The following VSIR variants were observed in gnomAD, a reference collection of about 807,000 sequenced individuals.
The protein encoded by VSIR is V-set immunoregulatory receptor.
Under a neutral mutation model 31.0 loss-of-function variants are expected in VSIR, and 10 were observed. The observed-to-expected ratio is 0.32, with a 90% CI of 0.20 to 0.55. The LOEUF (loss-of-function observed/expected upper bound fraction) is 0.55, where lower values mean the gene tolerates loss of function less well. Ranked by LOEUF, VSIR falls within the 20% of genes least tolerant of loss-of-function variation. The pLI, the probability that VSIR is intolerant of heterozygous loss-of-function variation, is 0.93. For missense variants in VSIR, 356 were observed against 416.2 expected, an observed-to-expected ratio of 0.86 and a Z score of 1.26; for synonymous variants, 179 against 180.1, an observed-to-expected ratio of 0.99 and a Z score of 0.05.
At chr10:71,753,556 G>A (rs567748966) in intron 4 of VSIR, among the ~76,000 whole-genome samples, 23 of 152,280 alleles carry the variant, frequency 1.5e-4, no homozygotes, top group Admixed American at 1.0e-3. Flanking sequence ...ACCTTACAAG[G>A]TGCAAGTCCC....
intron 1 of VSIR, among the ~76,000 whole-genome samples, chr10:71,768,243 T>C (rs1160808695): frequency 3.9e-5 from 6 of 152,158 alleles, no homozygotes; most frequent in Non-Finnish European, 5.9e-5. Context: ...CAATCTCAGC[T>C]CACTGCAACC....
intron 1 of VSIR, among the ~76,000 whole-genome samples, chr10:71,768,124 G>A (rs895470066): frequency 7.2e-5 from 11 of 152,204 alleles, no homozygotes; most frequent in African/African-American, 2.7e-4. Flanking sequence ...CTCTGTGCCA[G>A]GCATCATTCT....
At position 71,751,125 on chromosome 10, in the gene VSIR, G is replaced by T. The variant is rs1182393969; in HGVS notation, c.*128C>A. 1.8e-6 allele frequency: 2 copies of T among 1,121,700 alleles called. No homozygotes were observed. The highest frequency in any genetic ancestry group is 1.6e-5 in the African/African-American group (1 of 63,154). The allele number at this position is 1,121,700 out of a possible 1,614,324, so 69.5% of individuals were successfully genotyped here. On this transcript the variant is annotated 3_prime_UTR_variant, in exon 7 of 7. Coordinates refer to ENST00000394957, the MANE Select transcript of VSIR (RefSeq NM_022153.2). The surrounding 1 kb of genome is among the most constrained non-coding windows in gnomAD (Gnocchi z 4.9). ...GGGGCTGGGCTTCTGGGATGTCACA[G>T]TATCTGAGCCCAGAGCAGGAGGGAG...
At chr10:71,772,396 GC>G (rs1840706547) in intron 1 of VSIR, among the ~76,000 whole-genome samples, 1 of 152,102 alleles carries the variant, frequency 6.6e-6, no homozygotes, top group Non-Finnish European at 1.5e-5. Flanking sequence ...CTTTCCCTGG[GC>G]CCTCCCTATA....
Position 71,747,661 on chromosome 10 carries a change from C to T in VSIR, c.*3592G>A. ...CAGCAATAAAACCTCCCAGGATTTTCAGGGAAGGGGGTGGATCAAACAAGT... is the reference window on the plus strand; with the variant it reads ...CAGCAATAAAACCTCCCAGGATTTTTAGGGAAGGGGGTGGATCAAACAAGT... On this transcript the variant is annotated 3_prime_UTR_variant, in exon 7 of 7. Transcript: ENST00000394957. The T allele has an allele frequency of 6.6e-6, 1 of 152,358 alleles. No homozygotes were observed. Among genetic ancestry groups the T allele is most frequent in the Non-Finnish European group, 1.5e-5 (1 of 68,036 alleles). 9.4% of individuals were successfully genotyped at this position (152,358 alleles called of 1,614,324 possible).
chr10:71,761,986 C>G lies in VSIR; in HGVS notation c.123G>C (p.Leu41=), dbSNP rs752528406. ...AAFKVATPYS[L]YVCPEGQNVT... is the part of the protein sequence containing the mutation. The stretch of plus-strand genomic sequence containing the variant: ...CGTTCTGCCCCTCGGGACAGACATA[C>G]AGGGAATACGGCGTGGCGACCTTGA... The change falls in exon 2 of 7, where the codon CTG becomes CTC. Residue 41 remains leucine (L), a synonymous_variant. Coordinates refer to ENST00000394957, the MANE Select transcript of VSIR (RefSeq NM_022153.2). The G allele has an allele frequency of 1.9e-6, 3 of 1,612,892 alleles. No homozygotes were observed. The highest frequency in any genetic ancestry group is 1.6e-4 in the Middle Eastern group (1 of 6,080).
chr10:71,759,627 T>C (rs1473157307), intron 3 of VSIR, among the ~76,000 whole-genome samples: 1 of 151,608 alleles, frequency 6.6e-6, no homozygotes, highest in Non-Finnish European at 1.5e-5. Flanking sequence ...GCCAACATGG[T>C]GAAACCCCAG....
intron 4 of VSIR, chr10:71,755,093 AT>A (rs751887871): frequency 3.2e-6 from 2 of 616,266 alleles, no homozygotes; most frequent in Non-Finnish European, 6.1e-6. Flanking sequence ...GCATATGATC[AT>A]TCATTCAGAA....
At position 71,751,837 on chromosome 10, in the gene VSIR, G is replaced by A. The variant is rs201880754; in HGVS notation, c.729C>T (p.Pro243=). 1.1e-5 allele frequency: 17 copies of A among 1,563,658 alleles called. No individual in the cohort carries two copies. Among genetic ancestry groups the A allele is most frequent in the Non-Finnish European group, 1.2e-5 (14 of 1,154,756 alleles). ...GGGCAGGTGGTGAGGCTTCAAAGCC[G>A]GGGTTTTCAATCCCTTGAATGTTGC... The part of the protein sequence containing the change: ...MDSNIQGIEN[P]GFEASPPAQG... Residue 243 remains proline (P), a synonymous_variant, in exon 6 of 7, where the codon CCC becomes CCT. Coordinates refer to ENST00000394957, the MANE Select transcript of VSIR (RefSeq NM_022153.2). The surrounding 1 kb of genome is among the most constrained non-coding windows in gnomAD (Gnocchi z 4.9).
chr10:71,759,507 A>C (rs1840239835), intron 3 of VSIR, among the ~76,000 whole-genome samples: 1 of 143,844 alleles, frequency 7.0e-6, no homozygotes. Context: ...AGTCTTTCTC[A>C]AAAAAAAAAA....
At chr10:71,770,834 C>T (rs1306390491) in intron 1 of VSIR, among the ~76,000 whole-genome samples, 1 of 152,160 alleles carries the variant, frequency 6.6e-6, no homozygotes, top group Non-Finnish European at 1.5e-5. Context: ...ACTAGTACAG[C>T]TCAGCAAGGG....
intron 1 of VSIR, 92 bp from the exon 2 acceptor site, chr10:71,762,118 T>G (rs888339498): frequency 4.3e-6 from 6 of 1,398,442 alleles, no homozygotes; most frequent in Non-Finnish European, 5.7e-6. Flanking sequence ...CTCTGCTACT[T>G]CCCAGCCACA....
At chr10:71,757,556 G>C (rs947538350) in intron 3 of VSIR, 5 of 152,434 alleles carry the variant, frequency 3.3e-5, no homozygotes, top group African/African-American at 1.2e-4. Context: ...ACTCACAGGG[G>C]AAGGCAGGCA....
chr10:71,751,959 ACATCCC>A lies in VSIR; in HGVS notation c.705-104_705-99del. On this transcript the variant is annotated intron_variant, in intron 5 of 6. Transcript: ENST00000394957. This position sits in a 1 kb window ranked among gnomAD's most constrained non-coding sequence, Gnocchi z 4.9. ...TTTCTCTCCTCCCTTTCTCTCACCTACATCCCCATCCCCAAGCCTCAGCAGCATCTC... is the reference window on the plus strand; with the variant it reads ...TTTCTCTCCTCCCTTTCTCTCACCTACATCCCCAAGCCTCAGCAGCATCTC... 2 of 1,257,712 alleles carry A rather than the reference ACATCCC, an allele frequency of 1.6e-6. No homozygotes were observed. The highest frequency in any genetic ancestry group is 1.1e-6 in the Non-Finnish European group (1 of 892,590). The allele number at this position is 1,257,712 out of a possible 1,614,324, so 77.9% of individuals were successfully genotyped here.
Position 71,755,361 on chromosome 10 carries a change from C to A in VSIR, c.674G>T (p.Arg225Leu). ...CCCAGGCAGGGAGGAATACTCACGGCGGTTGGAGGCTGCCTGCCTTTGCTT... is the reference window on the plus strand; with the variant it reads ...CCCAGGCAGGGAGGAATACTCACGGAGGTTGGAGGCTGCCTGCCTTTGCTT... ...VYKQRQAASN[R>L]RAQELVRMDS... Residue 225 changes from arginine to leucine, a missense_variant and splice_region_variant, in exon 4 of 7, where the codon CGC (arginine) becomes CTC (leucine). Physicochemically the swap from Arg to Leu is moderately radical, Grantham distance 102 (BLOSUM62 -2). This residue lies in a region of VSIR where 190 missense variants were observed against 185.2 expected (regional missense o/e 1.03). Transcript: ENST00000394957. 1.2e-6 allele frequency: 2 copies of A among 1,605,306 alleles called. No individual in the cohort carries two copies. Among genetic ancestry groups the A allele is most frequent in the South Asian group, 2.2e-5 (2 of 90,390 alleles).
chr10:71,771,358 G>A (rs1840679590), intron 1 of VSIR, among the ~76,000 whole-genome samples: 1 of 152,222 alleles, frequency 6.6e-6, no homozygotes, highest in Non-Finnish European at 1.5e-5. Context: ...CCCAAGAGCT[G>A]GAGAACAGGC....
At chr10:71,764,661 C>T (rs1840485628) in intron 1 of VSIR, among the ~76,000 whole-genome samples, 1 of 152,130 alleles carries the variant, frequency 6.6e-6, no homozygotes, top group South Asian at 2.1e-4. Context: ...CGCCAGAGTC[C>T]GTCCGTACTA....
At chr10:71,767,563 G>C (rs1840580798) in intron 1 of VSIR, among the ~76,000 whole-genome samples, 1 of 152,222 alleles carries the variant, frequency 6.6e-6, no homozygotes, top group Admixed American at 6.5e-5. Flanking sequence ...ATGGTCCACA[G>C]GCTGGGGCTG....
chr10:71,760,827 A>G, intron 3 of VSIR, 41 bp downstream of exon 3: 1 of 1,588,396 alleles, frequency 6.3e-7, no homozygotes. Flanking sequence ...AGGACAGAAG[A>G]AAACAGAGAA....
Sources: allele counts gnomAD v4.1 joint callset (sites outside exome capture counted in the v4.1 genomes callset), GRCh38; gene constraint gnomAD v4.1.1; regional missense constraint gnomAD v4.1.1; non-coding constraint Gnocchi (gnomAD v3.1); transcripts MANE v1.5; gene names NCBI Gene and HGNC (gene_info 2026-07-23, HGNC 2026-07-21).